SLCO4A1: variants seen among roughly 807,000 people sequenced by gnomAD.
SLCO4A1 encodes solute carrier organic anion transporter family member 4A1.
SLCO4A1 carries 51 observed loss-of-function variants against 64.6 expected under a neutral mutation model. The observed-to-expected ratio is 0.79, with a 90% CI of 0.63 to 1.00. SLCO4A1 has a LOEUF of 1.00. Ranked by LOEUF, SLCO4A1 falls within the 50% of genes least tolerant of loss-of-function variation. The pLI is 0.00. For synonymous variants in SLCO4A1, 471 were observed against 444.9 expected (o/e 1.06, Z -0.74); for missense variants, 919 against 980.5 (o/e 0.94, Z 0.84).
intron 1 of SLCO4A1, among the ~76,000 whole-genome samples, chr20:62,647,059 G>A (rs1569114910): frequency 6.6e-6 from 1 of 152,266 alleles, no homozygotes; most frequent in Admixed American, 6.5e-5. Flanking sequence ...CTTCCTGCCT[G>A]CTCGCCTGTG....
intron 2 of SLCO4A1, among the ~76,000 whole-genome samples, chr20:62,678,950 G>A (rs910801449): frequency 2.0e-5 from 3 of 152,218 alleles, no homozygotes; most frequent in Non-Finnish European, 4.4e-5. Flanking sequence ...TGGGCAAGGT[G>A]GCTCGCGCCT....
At chr20:62,648,502 C>T (rs926407079) in intron 1 of SLCO4A1, among the ~76,000 whole-genome samples, 5 of 152,162 alleles carry the variant, frequency 3.3e-5, no homozygotes, top group Non-Finnish European at 7.4e-5. Context: ...TCCCACCTGC[C>T]GGCTGCATGG....
At chr20:62,679,549 T>G (rs942456525) in intron 2 of SLCO4A1, among the ~76,000 whole-genome samples, 1 of 151,930 alleles carries the variant, frequency 6.6e-6, no homozygotes, top group African/African-American at 2.4e-5. Context: ...TTTTTGTAGA[T>G]AGGGTGTCTT....
At position 62,645,440 on chromosome 20, in the gene SLCO4A1, G is replaced by T. The variant is rs1361500894; in HGVS notation, c.-97+2887G>T. On this transcript the variant is annotated intron_variant, in intron 1 of 11. Coordinates refer to ENST00000217159, the MANE Select transcript of SLCO4A1 (RefSeq NM_016354.4). The surrounding 1 kb of genome is among the most constrained non-coding windows in gnomAD (Gnocchi z 4.2). The stretch of plus-strand genomic sequence containing the variant: ...GCCCCTGCTGGCCCTTCAGGCTACG[G>T]TGAGGGTGAGGGTGCGGGTGAGGAT... 6.7e-6 allele frequency among the ~76,000 whole-genome samples: 1 copy of T among 149,920 alleles called. No individual in the cohort carries two copies. The highest frequency in any genetic ancestry group is 1.5e-5 in the Non-Finnish European group (1 of 67,252).
At chr20:62,669,592 T>G (rs1477990785) in intron 11 of SLCO4A1, among the ~76,000 whole-genome samples, 2 of 152,238 alleles carry the variant, frequency 1.3e-5, no homozygotes, top group African/African-American at 4.8e-5. Flanking sequence ...CTGTTGTGAC[T>G]TTTGGCGTAT....
At chr20:62,643,795 T>C (rs2427360) in intron 1 of SLCO4A1, among the ~76,000 whole-genome samples, 145,580 of 152,316 alleles carry the variant, frequency 0.96, 69,911 homozygotes, top group East Asian at 1. Context: ...ACAGCAGGGG[T>C]TAGGTGTTGA....
rs1192825338 is a variant in SLCO4A1 at position 62,659,181 on chromosome 20, G to A, written c.887+414G>A. Among the ~76,000 whole-genome samples, 5 of 152,126 alleles carry A rather than the reference G, an allele frequency of 3.3e-5. 1 individual carries two copies. Among genetic ancestry groups the A allele is most frequent in the South Asian group, 2.1e-4 (1 of 4,830 alleles). The stretch of plus-strand genomic sequence containing the variant: ...CAGAGAGAGACAGAGGGAAAGACAC[G>A]TAGAGACAGACCAATTCACAGAGAC... On this transcript the variant is annotated intron_variant, in intron 3 of 11. Transcript: ENST00000217159.
At chr20:62,668,222 C>G (rs1986728124) in intron 9 of SLCO4A1, 38 bp downstream of exon 9, 2 of 1,607,440 alleles carry the variant, frequency 1.2e-6, no homozygotes, top group Admixed American at 3.3e-5. Context: ...CCAGAGCTTT[C>G]CTTGCAGCAC....
intron 2 of SLCO4A1, among the ~76,000 whole-genome samples, chr20:62,684,144 C>T (rs947181210): frequency 6.6e-6 from 1 of 152,196 alleles, no homozygotes; most frequent in African/African-American, 2.4e-5. Context: ...CGTGACCACG[C>T]GCTTCCCACA....
intron 10 of SLCO4A1, among the ~76,000 whole-genome samples, 183 bp downstream of exon 10, chr20:62,668,724 T>A (rs1401126288): frequency 6.6e-6 from 1 of 152,040 alleles, no homozygotes; most frequent in Non-Finnish European, 1.5e-5. Context: ...GCCCAAAGGC[T>A]TTCCCTGGGA....
rs778840125 is a variant in SLCO4A1, at chr20:62,657,072, G to T, written c.618G>T (p.Arg206Ser). 1.2e-6 allele frequency: 2 copies of T among 1,602,772 alleles called. No homozygotes were observed. Among genetic ancestry groups the T allele is most frequent in the South Asian group, 2.2e-5 (2 of 90,668 alleles). The change falls in exon 2 of 12, where the codon AGG becomes AGT. Residue 206 changes from arginine (R) to serine (S), a missense_variant. Arg to Ser is a moderately radical substitution (Grantham distance 110). Transcript: ENST00000217159. ...AGGTGGAGTTGGACGCGGGTGTCAG[G>T]ACGTGCCCTGCCAACCCCGGCGCGG... ...RYEVELDAGVRTCPANPGAVC... is the reference protein window; with the variant it reads ...RYEVELDAGVSTCPANPGAVC...
At chr20:62,663,731 A>T (rs2147092338) in intron 5 of SLCO4A1, among the ~76,000 whole-genome samples, 1 of 152,230 alleles carries the variant, frequency 6.6e-6, no homozygotes. Flanking sequence ...TGTGAACAGG[A>T]TGCAGGCAGC....
chr20:62,667,980 C>G (rs967790188), intron 8 of SLCO4A1, 32 bp from the exon 9 acceptor site: 1 of 1,613,836 alleles, frequency 6.2e-7, no homozygotes, highest in Non-Finnish European at 8.5e-7. Context: ...GTGCCTTCCC[C>G]TTGTAATCGG....
In SLCO4A1 at chr20:62,671,908, C is replaced by T; in HGVS notation, c.*15C>T. 1 of 1,608,778 alleles carries T rather than the reference C, an allele frequency of 6.2e-7. No homozygotes were observed. Among genetic ancestry groups the T allele is most frequent in the Non-Finnish European group, 8.5e-7 (1 of 1,179,992 alleles). On this transcript the variant is annotated 3_prime_UTR_variant, in exon 12 of 12. Coordinates refer to ENST00000217159, the MANE Select transcript of SLCO4A1 (RefSeq NM_016354.4). ...GCAGCGTCTGACCACCGCCCGCGCC[C>T]ACCCGGCCACGGCGGGCACTCAGCA...
At chr20:62,659,561 C>T (rs1035190367) in intron 3 of SLCO4A1, among the ~76,000 whole-genome samples, 2 of 152,140 alleles carry the variant, frequency 1.3e-5, no homozygotes, top group East Asian at 1.9e-4. Flanking sequence ...GCTCGTGTCC[C>T]GGGTCTGGAT....
chr20:62,674,888 A>C (rs981606349), downstream of SLCO4A1, among the ~76,000 whole-genome samples: 5 of 152,194 alleles, frequency 3.3e-5, no homozygotes, highest in African/African-American at 1.2e-4. Flanking sequence ...CCTCCCTGGG[A>C]GCCCAGCCTT....
downstream of SLCO4A1, among the ~76,000 whole-genome samples, chr20:62,675,372 C>A (rs922495560): frequency 6.6e-6 from 1 of 152,142 alleles, no homozygotes; most frequent in Non-Finnish European, 1.5e-5. Context: ...GCCACCCACG[C>A]GGGCTCTGCC....
rs199888308 is a variant in SLCO4A1, at chr20:62,666,521, C to T, written c.1418C>T (p.Ser473Leu). 99 of 1,613,406 alleles carry T rather than the reference C, an allele frequency of 6.1e-5. No individual in the cohort carries two copies. Among genetic ancestry groups the T allele is most frequent in the African/African-American group, 9.3e-5 (7 of 75,058 alleles). Residue 473 changes from serine (S) to leucine (L), a missense_variant, in exon 7 of 12, where the codon TCA (serine) becomes TTA (leucine). Ser to Leu is a moderately radical substitution (Grantham distance 145). Coordinates refer to ENST00000217159, the MANE Select transcript of SLCO4A1 (RefSeq NM_016354.4). ...AGCCTGCTGGGCATCCTCGTCTTCT[C>T]ACTGCACTGCCCCAGTGTGCCCATG... Reference protein sequence around the residue: ...VVSLLGILVFSLHCPSVPMAG... With the variant: ...VVSLLGILVFLLHCPSVPMAG...
chr20:62,688,768 GGAA>G (rs1372728505), downstream of SLCO4A1, among the ~76,000 whole-genome samples: 1 of 152,200 alleles, frequency 6.6e-6, no homozygotes, highest in Non-Finnish European at 1.5e-5. Flanking sequence ...GCTGCCAGGA[GGAA>G]GGAGTCCCTC....
Sources: allele counts gnomAD v4.1 joint callset (sites outside exome capture counted in the v4.1 genomes callset), GRCh38; gene constraint gnomAD v4.1.1; non-coding constraint Gnocchi (gnomAD v3.1); transcripts MANE v1.5; gene names NCBI Gene and HGNC (gene_info 2026-07-23, HGNC 2026-07-21).